Variants in RALYL observed in about 807,000 individuals in gnomAD.
The protein encoded by RALYL is RNA-binding Raly-like protein.
In RALYL, 29 loss-of-function variants were observed where a neutral mutation model predicts 35.1. That is an observed-to-expected ratio of 0.83 (90% confidence interval 0.61 to 1.13). RALYL has a LOEUF of 1.13. Among genes scored for constraint, RALYL ranks in the 50% most tolerant of loss-of-function variants. The probability of loss-of-function intolerance (pLI) is 0.00; values close to 1 mark genes in which losing one functional copy is unlikely to be tolerated. For missense variants in RALYL, 359 were observed against 360.4 expected, an observed-to-expected ratio of 1.00 and a Z score of 0.03; for synonymous variants, 120 against 127.6, an observed-to-expected ratio of 0.94 and a Z score of 0.40.
intron 2 of RALYL, among the ~76,000 whole-genome samples, chr8:84,703,968 G>T (rs184705049): frequency 2.6e-5 from 4 of 152,274 alleles, no homozygotes; most frequent in Admixed American, 6.5e-5. Flanking sequence ...CGTAATGAGA[G>T]AATGCATTCA....
chr8:84,577,442 C>A (rs1466665196), intron 2 of RALYL, among the ~76,000 whole-genome samples: 1 of 152,134 alleles, frequency 6.6e-6, no homozygotes, highest in Non-Finnish European at 1.5e-5. Flanking sequence ...GGAAGTTGGG[C>A]TGTGCTCAGA....
intron 1 of RALYL, among the ~76,000 whole-genome samples, chr8:84,510,537 A>C (rs2057522088): frequency 6.6e-6 from 1 of 152,132 alleles, no homozygotes; most frequent in Non-Finnish European, 1.5e-5. Context: ...TCAGCCAGGC[A>C]CGGTGGCTCA....
At chr8:84,906,554 AAAG>A (rs1451174340) in intron 8 of RALYL, among the ~76,000 whole-genome samples, 2 of 152,162 alleles carry the variant, frequency 1.3e-5, no homozygotes, top group African/African-American at 4.8e-5. Flanking sequence ...AATTGAAAGA[AAAG>A]AAAGTGGGGC....
chr8:84,513,286 T>A (rs2057772741), intron 1 of RALYL, among the ~76,000 whole-genome samples: 1 of 152,188 alleles, frequency 6.6e-6, no homozygotes, highest in South Asian at 2.1e-4. Context: ...AAATAAATGC[T>A]ATTGCTTTCT....
At chr8:84,250,391 G>A (rs956343424) in intron 1 of RALYL, among the ~76,000 whole-genome samples, 17 of 151,792 alleles carry the variant, frequency 1.1e-4, no homozygotes, top group South Asian at 8.3e-4. Flanking sequence ...TTGAGACAGA[G>A]TTTTGCTCCC....
intron 2 of RALYL, among the ~76,000 whole-genome samples, chr8:84,552,290 C>A (rs1435643734): frequency 7.6e-6 from 1 of 132,152 alleles, no homozygotes; most frequent in African/African-American, 2.8e-5. Context: ...AAATTTAAAG[C>A]ATTTTCTGTT....
chr8:84,190,626 C>G (rs1203258161), intron 1 of RALYL, among the ~76,000 whole-genome samples: 2 of 152,142 alleles, frequency 1.3e-5, no homozygotes, highest in Non-Finnish European at 2.9e-5. Context: ...TAAAACAAAA[C>G]AAGAGAAAGT....
chr8:84,393,688 T>A (rs1327428368), intron 1 of RALYL, among the ~76,000 whole-genome samples: 2 of 152,052 alleles, frequency 1.3e-5, no homozygotes, highest in Admixed American at 6.6e-5. Context: ...CACAGAATAG[T>A]GTATAAGAGT....
At chr8:84,918,604 CTAT>C (rs1417090117) in intron 8 of RALYL, among the ~76,000 whole-genome samples, 6 of 152,084 alleles carry the variant, frequency 3.9e-5, no homozygotes, top group Non-Finnish European at 7.4e-5. Context: ...CCATAAGTGA[CTAT>C]GTTTCTTAAG....
chr8:84,575,798 G>A (rs149883060), intron 2 of RALYL, among the ~76,000 whole-genome samples: 82 of 152,132 alleles, frequency 5.4e-4, no homozygotes, highest in African/African-American at 1.6e-3. Context: ...AGTGATTGAA[G>A]GCAGTTCTAG....
At chr8:84,898,590 C>T (rs891382876) in intron 8 of RALYL, among the ~76,000 whole-genome samples, 1 of 152,150 alleles carries the variant, frequency 6.6e-6, no homozygotes, top group Non-Finnish European at 1.5e-5. Context: ...CAAGAAAGTA[C>T]AAATTAAAAC....
intron 1 of RALYL, among the ~76,000 whole-genome samples, chr8:84,197,087 C>T (rs1397812605): frequency 6.6e-6 from 1 of 152,142 alleles, no homozygotes; most frequent in Non-Finnish European, 1.5e-5. Flanking sequence ...CAGAGAATCA[C>T]TCATTATTTT....
intron 2 of RALYL, among the ~76,000 whole-genome samples, chr8:84,588,027 G>A (rs184083849): frequency 4.6e-5 from 7 of 152,224 alleles, no homozygotes; most frequent in African/African-American, 1.2e-4. Flanking sequence ...CACATAGGAG[G>A]TAACCTCTGC....
chr8:84,412,576 C>T (rs2044211260), intron 1 of RALYL, among the ~76,000 whole-genome samples: 1 of 151,880 alleles, frequency 6.6e-6, no homozygotes, highest in African/African-American at 2.4e-5. Context: ...AGTTGGGATA[C>T]TGAGGTTCCA....
At chr8:84,857,065 A>G (rs999694104) in intron 5 of RALYL, among the ~76,000 whole-genome samples, 19 of 141,814 alleles carry the variant, frequency 1.3e-4, no homozygotes, top group African/African-American at 4.9e-4. Context: ...AAAAAGAATT[A>G]TTTGTGTAGA....
chr8:84,530,879 A>G (rs957788270), intron 2 of RALYL, among the ~76,000 whole-genome samples: 1 of 152,178 alleles, frequency 6.6e-6, no homozygotes, highest in Admixed American at 6.5e-5. Context: ...TGCCTCAAGC[A>G]TTCCAAGATT....
At chr8:84,698,782 A>G (rs1399270138) in intron 2 of RALYL, among the ~76,000 whole-genome samples, 1 of 152,104 alleles carries the variant, frequency 6.6e-6, no homozygotes, top group Non-Finnish European at 1.5e-5. Context: ...AGTGTGTACA[A>G]TAGGATACTT....
At position 84,227,550 on chromosome 8, in the gene RALYL, A is replaced by G. The variant is rs116297108; in HGVS notation, c.-24+43126A>G. On this transcript the variant is annotated intron_variant, in intron 1 of 8. Transcript: ENST00000521268. ...AAAATTGTACATTCAATACTTATCA[A>G]ACAAAAGTTACATGATCTTATTCTT... Among the ~76,000 whole-genome samples the G allele has an allele frequency of 5.1e-3, 782 of 152,282 alleles. 11 individuals carry two copies. Among genetic ancestry groups the G allele is most frequent in the African/African-American group, 0.017 (717 of 41,574 alleles).
At chr8:84,198,958 A>G (rs1299879255) in intron 1 of RALYL, among the ~76,000 whole-genome samples, 1 of 152,148 alleles carries the variant, frequency 6.6e-6, no homozygotes, top group African/African-American at 2.4e-5. Context: ...GCAACATAGG[A>G]GTGCAGCTAT....
Sources: allele counts gnomAD v4.1 joint callset (sites outside exome capture counted in the v4.1 genomes callset), GRCh38; gene constraint gnomAD v4.1.1; transcripts MANE v1.5; gene names NCBI Gene and HGNC (gene_info 2026-07-23, HGNC 2026-07-21).